ST6GALNAC3: variants seen among roughly 807,000 people sequenced by gnomAD.
ST6GALNAC3 encodes alpha-N-acetylgalactosaminide alpha-2,6-sialyltransferase 3.
Under a neutral mutation model 32.7 loss-of-function variants are expected in ST6GALNAC3, and 25 were observed. That is an observed-to-expected ratio of 0.76 (90% CI 0.56 to 1.07). ST6GALNAC3 has a LOEUF of 1.07. Among genes scored for constraint, ST6GALNAC3 ranks in the 50% least tolerant of loss-of-function variants. The pLI, the probability that ST6GALNAC3 is intolerant of heterozygous loss-of-function variation, is 0.00. For missense variants in ST6GALNAC3, 355 were observed against 382.4 expected (o/e 0.93, Z 0.60); for synonymous variants, 129 against 133.1 (o/e 0.97, Z 0.21).
chr1:76,572,883 G>A (rs1646732641), intron 3 of ST6GALNAC3, among the ~76,000 whole-genome samples: 1 of 152,094 alleles, frequency 6.6e-6, no homozygotes, highest in Non-Finnish European at 1.5e-5. Context: ...ATACCATTTT[G>A]AAGAATTTTA....
At chr1:76,306,483 C>T (rs1480303945) in intron 1 of ST6GALNAC3, among the ~76,000 whole-genome samples, 1 of 152,060 alleles carries the variant, frequency 6.6e-6, no homozygotes, top group Admixed American at 6.6e-5. Context: ...GAATTTAGAG[C>T]ACATGTCAGT....
intron 1 of ST6GALNAC3, among the ~76,000 whole-genome samples, chr1:76,099,202 AC>A (rs1349037579): frequency 6.6e-6 from 1 of 151,962 alleles, no homozygotes; most frequent in African/African-American, 2.4e-5. Context: ...ATAGAGCCAA[AC>A]CTCCCACCTT....
chr1:76,085,686 A>C (rs1330490694), intron 1 of ST6GALNAC3, among the ~76,000 whole-genome samples: 1 of 152,200 alleles, frequency 6.6e-6, no homozygotes, highest in Non-Finnish European at 1.5e-5. Flanking sequence ...GTATGACTCA[A>C]GAATTTGTAT....
chr1:76,514,606 G>A (rs1402873217), intron 3 of ST6GALNAC3, among the ~76,000 whole-genome samples: 1 of 152,058 alleles, frequency 6.6e-6, no homozygotes, highest in Admixed American at 6.6e-5. Context: ...TGCCCCTCAG[G>A]ATTCCCTCTC....
intron 1 of ST6GALNAC3, among the ~76,000 whole-genome samples, chr1:76,193,186 C>T (rs1654000461): frequency 6.6e-6 from 1 of 152,170 alleles, no homozygotes; most frequent in East Asian, 1.9e-4. Context: ...AATATGGCCT[C>T]TTCTTTTTAG....
Position 76,342,746 on chromosome 1 carries a change from T to A in ST6GALNAC3, c.213+28747T>A, listed in dbSNP as rs193066326. Among the ~76,000 whole-genome samples, 922 of 152,268 alleles carry A rather than the reference T, an allele frequency of 6.1e-3. 3 individuals are homozygous for A. Among genetic ancestry groups the A allele is most frequent in the African/African-American group, 0.021 (875 of 41,570 alleles). On this transcript the variant is annotated intron_variant, in intron 2 of 4. Coordinates refer to ENST00000328299, the MANE Select transcript of ST6GALNAC3 (RefSeq NM_152996.4). ...GCAACCTCACTAATATCTGTTTTTT[T>A]TAATTTTTTATAGTAGCCATTCTGA... is the stretch of plus-strand genomic sequence containing the variant.
intron 3 of ST6GALNAC3, among the ~76,000 whole-genome samples, chr1:76,481,085 G>C (rs1407485334): frequency 6.6e-6 from 1 of 152,058 alleles, no homozygotes; most frequent in South Asian, 2.1e-4. Flanking sequence ...TCCCTTCTGA[G>C]CTTTCTGATC....
At chr1:76,627,777 G>A (rs1189366142) in intron 4 of ST6GALNAC3, among the ~76,000 whole-genome samples, 3 of 151,914 alleles carry the variant, frequency 2.0e-5, no homozygotes, top group Non-Finnish European at 4.4e-5. Flanking sequence ...CAAATGTCAG[G>A]AGGAACACTT....
At chr1:76,508,310 T>G (rs1289684514) in intron 3 of ST6GALNAC3, among the ~76,000 whole-genome samples, 6 of 152,168 alleles carry the variant, frequency 3.9e-5, no homozygotes, top group Non-Finnish European at 1.5e-5. Context: ...CAGGCAGTAA[T>G]GCTCGCTTGC....
intron 1 of ST6GALNAC3, among the ~76,000 whole-genome samples, chr1:76,240,312 A>G (rs1656893547): frequency 6.6e-6 from 1 of 152,188 alleles, no homozygotes; most frequent in South Asian, 2.1e-4. Flanking sequence ...AGGTCTCTAT[A>G]AAGTTTCTAA....
chr1:76,608,909 G>A (rs1647743470), intron 3 of ST6GALNAC3, among the ~76,000 whole-genome samples: 1 of 152,024 alleles, frequency 6.6e-6, no homozygotes, highest in Admixed American at 6.6e-5. Context: ...TGGTGGTCCA[G>A]TCTTAAAAGT....
At chr1:76,357,546 T>C (rs1649581964) in intron 2 of ST6GALNAC3, among the ~76,000 whole-genome samples, 1 of 152,236 alleles carries the variant, frequency 6.6e-6, no homozygotes. Flanking sequence ...CCAGTGGGAC[T>C]CAGATCAGAT....
rs551963590 is a variant in ST6GALNAC3 at position 76,472,240 on chromosome 1, A to G, written c.623+59823A>G. Among the ~76,000 whole-genome samples the G allele has an allele frequency of 4.6e-5, 7 of 152,304 alleles. No homozygotes were observed. In the East Asian group the frequency reaches 1.4e-3, roughly 29 times the overall value. On this transcript the variant is annotated intron_variant, in intron 3 of 4. Coordinates refer to ENST00000328299, the MANE Select transcript of ST6GALNAC3 (RefSeq NM_152996.4). Reference sequence around the variant, plus strand: ...GATCTCATCCATGCTGGACAAGGACAAGGCTTCCATGTTGTCTTTCTATTC... The same window carrying G: ...GATCTCATCCATGCTGGACAAGGACGAGGCTTCCATGTTGTCTTTCTATTC...
At chr1:76,268,536 G>T (rs1658663761) in intron 1 of ST6GALNAC3, among the ~76,000 whole-genome samples, 2 of 152,178 alleles carry the variant, frequency 1.3e-5, no homozygotes, top group Non-Finnish European at 2.9e-5. Context: ...ATGCACGAGT[G>T]ATCTTGATTT....
chr1:76,238,881 T>C (rs1467950979), intron 1 of ST6GALNAC3, among the ~76,000 whole-genome samples: 1 of 152,054 alleles, frequency 6.6e-6, no homozygotes, highest in East Asian at 1.9e-4. Flanking sequence ...GTATTTAAAG[T>C]CTTTCTCAAT....
chr1:76,346,378 G>A (rs181434641), intron 2 of ST6GALNAC3, among the ~76,000 whole-genome samples: 226 of 152,246 alleles, frequency 1.5e-3, no homozygotes, highest in African/African-American at 5.2e-3. Context: ...ATTCCCCAAC[G>A]GCTTTCCACA....
intron 3 of ST6GALNAC3, among the ~76,000 whole-genome samples, chr1:76,583,197 C>T (rs1646915879): frequency 6.6e-6 from 1 of 152,168 alleles, no homozygotes; most frequent in Non-Finnish European, 1.5e-5. Flanking sequence ...GTACCATACT[C>T]AGTTGAAAGT....
At chr1:76,373,413 C>T (rs1650987201) in intron 2 of ST6GALNAC3, among the ~76,000 whole-genome samples, 1 of 152,076 alleles carries the variant, frequency 6.6e-6, no homozygotes, top group Non-Finnish European at 1.5e-5. Context: ...AAATAGGTGC[C>T]AAGGGTAGTT....
At position 76,538,964 on chromosome 1, in the gene ST6GALNAC3, G is replaced by A. The variant is rs1166618545; in HGVS notation, c.624-88488G>A. On this transcript the variant is annotated intron_variant, in intron 3 of 4. Transcript: ENST00000328299. The stretch of plus-strand genomic sequence containing the variant: ...GCCCAAAGTAATTTATAGATTCAAT[G>A]CTATTCCCATTAAATTACCATTGAT... Among the ~76,000 whole-genome samples, 11 of 152,124 alleles carry A rather than the reference G, an allele frequency of 7.2e-5. No homozygotes were observed. The East Asian group carries it at 2.1e-3, about 29-fold the overall frequency.
Sources: gnomAD v4.1 joint callset for allele counts (sites outside exome capture counted in the v4.1 genomes callset) on GRCh38, gnomAD v4.1.1 for gene constraint, MANE v1.5 for transcripts, NCBI Gene and HGNC (gene_info 2026-07-23, HGNC 2026-07-21) for gene names.